Variants in NKX2-5 observed in about 807,000 individuals in gnomAD.
The protein encoded by NKX2-5 is NK2 homeobox 5, also known as homeobox protein Nkx-2.5.
Under a neutral mutation model 24.5 loss-of-function variants are expected in NKX2-5, and 3 were observed. The observed-to-expected ratio is 0.12, with a 90% CI of 0.06 to 0.32. The LOEUF is 0.32. NKX2-5 is among the 10% of genes least tolerant of loss of function. The pLI is 1.00. For missense variants in NKX2-5, 429 were observed against 452.4 expected, an observed-to-expected ratio of 0.95 and a Z score of 0.47; for synonymous variants, 215 against 217.6, an observed-to-expected ratio of 0.99 and a Z score of 0.11.
chr5:173,234,111 T>C, intron 1 of NKX2-5: 2 of 1,289,308 alleles, frequency 1.6e-6, no homozygotes, highest in Non-Finnish European at 2.0e-6. Context: ...CGAGGGAACC[T>C]CTCCGCCCTG....
rs1410674749 is a variant in NKX2-5 at position 173,233,068 on chromosome 5, T to C, written c.476A>G (p.Gln159Arg). The change falls in exon 2 of 2, where the codon CAG (glutamine) becomes CGG (arginine). Residue 159 changes from glutamine to arginine, a missense_variant. By Grantham distance (43) the Gln-to-Arg change is conservative (BLOSUM62 1). This residue lies in a region of NKX2-5 where 240 missense variants were observed against 240.4 expected (regional missense o/e 1.00). Coordinates refer to ENST00000329198, the MANE Select transcript of NKX2-5 (RefSeq NM_004387.4). ...TTCGGGGGCCGACAGGTACCGCTGC[T>C]GCTTGAAGCGCCGCTCCAGCTCATA... ...QVYELERRFK[Q>R]QRYLSAPERD... is the part of the protein sequence containing the mutation. 1 of 1,603,140 alleles carries C rather than the reference T, an allele frequency of 6.2e-7. No individual in the cohort carries two copies.
chr5:173,233,987 C>T (rs1761401515), intron 1 of NKX2-5: 1 of 1,247,380 alleles, frequency 8.0e-7, no homozygotes. Context: ...AGGCCCCTTT[C>T]TGCAGCGGGG....
chr5:173,233,621 G>C (rs1300201077), intron 1 of NKX2-5: 1 of 664,928 alleles, frequency 1.5e-6, no homozygotes, highest in African/African-American at 1.8e-5. Flanking sequence ...CAGAGGCCGA[G>C]GCCTCACTGC....
In NKX2-5 at chr5:173,233,618, C is replaced by A. The variant is rs574491946; in HGVS notation, c.335-409G>T. 4.5e-6 allele frequency: 3 copies of A among 664,908 alleles called. No individual in the cohort carries two copies. In the East Asian group the frequency reaches 8.5e-5, roughly 19 times the overall value. 41.2% of individuals were successfully genotyped at this position (664,908 alleles called of 1,614,324 possible). A position where few individuals can be genotyped will look rare whatever the true frequency, so the allele number is the denominator to read the frequency against. ...TTTGAGAAGTTAAATGAACAGAGGC[C>A]GAGGCCTCACTGCTAGGGACGGTCT... is the stretch of plus-strand genomic sequence containing the variant. On this transcript the variant is annotated intron_variant, in intron 1 of 1. Transcript: ENST00000329198.
In NKX2-5 at chr5:173,232,703, C is replaced by A. The variant is rs1266892994; in HGVS notation, c.841G>T (p.Ala281Ser). The change falls in exon 2 of 2, where the codon GCG (alanine) becomes TCG (serine). Residue 281 changes from alanine (A) to serine (S), a missense_variant. Physicochemically the swap from Ala to Ser is moderately conservative, Grantham distance 99. Around this residue, in one of 3 missense-constraint regions of NKX2-5, gnomAD observed 183 missense variants for 185.9 expected, o/e 0.98. Transcript: ENST00000329198. The surrounding 1 kb of genome is among the most constrained non-coding windows in gnomAD (Gnocchi z 5.9). ...TTGGCGGCGGCAGTGGCCGGCTGCG[C>A]TGGGGAAGGCCCGGCGGGGTAAGCG... Reference protein sequence around the residue: ...TAAYPAGPSPAQPATAAANNN... With the variant: ...TAAYPAGPSPSQPATAAANNN... 6.2e-7 allele frequency: 1 copy of A among 1,610,152 alleles called. No individual in the cohort carries two copies. The highest frequency in any genetic ancestry group is 1.1e-5 in the South Asian group (1 of 90,980).
chr5:173,232,522 G>A lies in NKX2-5; in HGVS notation c.*47C>T. On this transcript the variant is annotated 3_prime_UTR_variant, in exon 2 of 2. Coordinates refer to ENST00000329198, the MANE Select transcript of NKX2-5 (RefSeq NM_004387.4). This position sits in a 1 kb window ranked among gnomAD's most constrained non-coding sequence, Gnocchi z 5.9. ...CCCTTCTCCCCCCGAGAGTCAGGGAGCTGTTGAGGTGGGATCGGTCAGGGT... is the reference window on the plus strand; with the variant it reads ...CCCTTCTCCCCCCGAGAGTCAGGGAACTGTTGAGGTGGGATCGGTCAGGGT... 1.9e-6 allele frequency: 3 copies of A among 1,598,054 alleles called. No individual in the cohort carries two copies. The highest frequency in any genetic ancestry group is 2.5e-6 in the Non-Finnish European group (3 of 1,178,892).
At chr5:173,233,504 G>GAAA (rs759462937) in intron 1 of NKX2-5, 5 of 583,538 alleles carry the variant, frequency 8.6e-6, no homozygotes, top group South Asian at 3.1e-5. Flanking sequence ...ATTTCAGGCT[G>GAAA]CAAAAAAAAA....
rs1761363888 is a variant in NKX2-5, at chr5:173,233,155, G to A, written c.389C>T (p.Ala130Val). Residue 130 changes from alanine to valine, a missense_variant, in exon 2 of 2, where the codon GCG becomes GTG. Around this residue, in one of 3 missense-constraint regions of NKX2-5, gnomAD observed 240 missense variants for 240.4 expected, o/e 1.00. Coordinates refer to ENST00000329198, the MANE Select transcript of NKX2-5 (RefSeq NM_004387.4). ...CCGCCGTCGCGCCCGGGGCCGCTCC[G>A]CGTTGTCCGCCTCTGTCTTCTCCAG... ...VELEKTEADN[A>V]ERPRARRRRK... The A allele has an allele frequency of 6.2e-7, 1 of 1,602,762 alleles. No individual in the cohort carries two copies. Among genetic ancestry groups the A allele is most frequent in the Non-Finnish European group, 8.5e-7 (1 of 1,177,536 alleles).
chr5:173,232,446 C>G lies in NKX2-5; in HGVS notation c.*123G>C. ...CGTGGGACAGAAAAAGTTCCTAGGT[C>G]TCCGCAGGAGTGAATGCAAAATCCA... On this transcript the variant is annotated 3_prime_UTR_variant, in exon 2 of 2. Transcript: ENST00000329198. The surrounding 1 kb of genome is among the most constrained non-coding windows in gnomAD (Gnocchi z 5.9). The G allele has an allele frequency of 6.7e-7, 1 of 1,501,638 alleles. No homozygotes were observed. The highest frequency in any genetic ancestry group is 1.2e-5 in the South Asian group (1 of 81,564). 93.0% of individuals were successfully genotyped at this position (1,501,638 alleles called of 1,614,324 possible).
rs1761343640 is a variant in NKX2-5 at position 173,232,679 on chromosome 5, T to C, written c.865A>G (p.Asn289Asp). Residue 289 changes from asparagine (N) to aspartate (D), a missense_variant, in exon 2 of 2, where the codon AAC (asparagine) becomes GAC (aspartate). Asn to Asp is a conservative substitution (Grantham distance 23). Around this residue, in one of 3 missense-constraint regions of NKX2-5, gnomAD observed 183 missense variants for 185.9 expected, o/e 0.98. Coordinates refer to ENST00000329198, the MANE Select transcript of NKX2-5 (RefSeq NM_004387.4). The surrounding 1 kb of genome is among the most constrained non-coding windows in gnomAD (Gnocchi z 5.9). ...SPAQPATAAA[N>D]NNFVNFGVGD... ...ACGCCGAAGTTCACGAAGTTGTTGT[T>C]GGCGGCGGCAGTGGCCGGCTGCGCT... is the stretch of plus-strand genomic sequence containing the variant. 6 of 1,611,320 alleles carry C rather than the reference T, an allele frequency of 3.7e-6. No homozygotes were observed. The highest frequency in any genetic ancestry group is 2.2e-5 in the South Asian group (2 of 91,054).
chr5:173,234,135 G>A, intron 1 of NKX2-5: 2 of 1,289,024 alleles, frequency 1.6e-6, no homozygotes, highest in Non-Finnish European at 2.0e-6. Context: ...GCGCCGGCAA[G>A]TTGTGCTGAA....
chr5:173,232,646 A>C lies in NKX2-5; in HGVS notation c.898T>G (p.Leu300Val). 6.2e-7 allele frequency: 1 copy of C among 1,613,198 alleles called. No individual in the cohort carries two copies. Among genetic ancestry groups the C allele is most frequent in the East Asian group, 2.2e-5 (1 of 44,854 alleles). ...NNFVNFGVGD[L>V]NAVQSPGIPQ... ...ATCCCGGGGCTCTGAACCGCATTCA[A>C]GTCCCCGACGCCGAAGTTCACGAAG... The change falls in exon 2 of 2, where the codon TTG (leucine) becomes GTG (valine). Residue 300 changes from leucine (L) to valine (V), a missense_variant. Physicochemically the swap from Leu to Val is conservative, Grantham distance 32. This residue lies in a region of NKX2-5 where 183 missense variants were observed against 185.9 expected (regional missense o/e 0.98). Transcript: ENST00000329198. The surrounding 1 kb of genome is among the most constrained non-coding windows in gnomAD (Gnocchi z 5.9).
chr5:173,233,534 A>AT (rs1561620352), intron 1 of NKX2-5: 9 of 955,446 alleles, frequency 9.4e-6, no homozygotes, highest in Admixed American at 9.3e-5. Context: ...TAAAAAAATA[A>AT]AAAAATAAAA....
In NKX2-5 at chr5:173,232,604, C is replaced by A. The variant is rs1761340979; in HGVS notation, c.940G>T (p.Gly314Ter). Residue 314 changes from glycine (G) to a stop codon, truncating the protein, a stop_gained, in exon 2 of 2, where the codon GGA becomes TGA. Transcript: ENST00000329198. LOFTEE classifies it high-confidence loss of function. The surrounding 1 kb of genome is among the most constrained non-coding windows in gnomAD (Gnocchi z 5.9). Reference protein sequence around the residue: ...QSPGIPQSNSGVSTLHGIRAW With the variant: ...QSPGIPQSNS ...CGGATACCATGCAGCGTGGACACTC[C>A]CGAGTTGCTCTGCGGAATCCCGGGG... 1 of 1,612,746 alleles carries A rather than the reference C, an allele frequency of 6.2e-7. No homozygotes were observed. The highest frequency in any genetic ancestry group is 1.6e-4 in the Middle Eastern group (1 of 6,062).
Position 173,232,668 on chromosome 5 carries a change from G to A in NKX2-5, c.876C>T (p.Phe292=), listed in dbSNP as rs538010963. 2 of 1,612,094 alleles carry A rather than the reference G, an allele frequency of 1.2e-6. No homozygotes were observed. Among genetic ancestry groups the A allele is most frequent in the Admixed American group, 1.7e-5 (1 of 59,976 alleles). Residue 292 remains phenylalanine, a synonymous_variant, in exon 2 of 2, where the codon TTC becomes TTT. Coordinates refer to ENST00000329198, the MANE Select transcript of NKX2-5 (RefSeq NM_004387.4). This position sits in a 1 kb window ranked among gnomAD's most constrained non-coding sequence, Gnocchi z 5.9. ...QPATAAANNN[F]VNFGVGDLNA... ...TCAAGTCCCCGACGCCGAAGTTCAC[G>A]AAGTTGTTGTTGGCGGCGGCAGTGG...
In NKX2-5 at chr5:173,233,216, G is replaced by A; in HGVS notation, c.335-7C>T. On this transcript the variant is annotated splice_polypyrimidine_tract_variant and splice_region_variant and intron_variant, in intron 1 of 1. Transcript: ENST00000329198. ...TTCTGCAGCGCGCACAGCTCTGAGGGGGAACAGAGAGGCAGAGAGACGCTT... is the reference window on the plus strand; with the variant it reads ...TTCTGCAGCGCGCACAGCTCTGAGGAGGAACAGAGAGGCAGAGAGACGCTT... 1 of 1,598,566 alleles carries A rather than the reference G, an allele frequency of 6.3e-7. No homozygotes were observed. Among genetic ancestry groups the A allele is most frequent in the African/African-American group, 1.3e-5 (1 of 75,038 alleles).
rs113818864 is a variant in NKX2-5 at position 173,234,960 on chromosome 5, C to G, written c.124G>C (p.Ala42Pro). The G allele has an allele frequency of 1.5e-4, 246 of 1,611,946 alleles. No homozygotes were observed. In the African/African-American group the frequency reaches 2.4e-3, roughly 16 times the overall value. Residue 42 changes from alanine to proline, a missense_variant, in exon 1 of 2, where the codon GCG becomes CCG. By Grantham distance (27) the Ala-to-Pro change is conservative (BLOSUM62 -1). Transcript: ENST00000329198. ...GCGGCCAGCATGCAGGAGGAGGGCG[C>G]CAGGGTCGCCTCCAGGCGGGCAGAG... ...ELSARLEATL[A>P]PSSCMLAAFK...
chr5:173,233,921 C>T (rs1761399213), intron 1 of NKX2-5: 2 of 1,184,346 alleles, frequency 1.7e-6, no homozygotes, highest in South Asian at 3.1e-5. Context: ...CGCCCAGCGC[C>T]TGCGGCCTCC....
At position 173,232,407 on chromosome 5, in the gene NKX2-5, C is replaced by T; in HGVS notation, c.*162G>A. On this transcript the variant is annotated 3_prime_UTR_variant, in exon 2 of 2. Transcript: ENST00000329198. This position sits in a 1 kb window ranked among gnomAD's most constrained non-coding sequence, Gnocchi z 5.9. ...TCGCCGCCACAAACTCTCCCGTGCG[C>T]AAGAACAAACGCGCGTGGGACAGAA... The T allele has an allele frequency of 7.5e-7, 1 of 1,341,766 alleles. No individual in the cohort carries two copies. The highest frequency in any genetic ancestry group is 1.0e-6 in the Non-Finnish European group (1 of 995,468). The allele number at this position is 1,341,766 out of a possible 1,614,324, so 83.1% of individuals were successfully genotyped here.
Sources: gnomAD v4.1 joint callset for allele counts on GRCh38, gnomAD v4.1.1 for gene constraint, gnomAD v4.1.1 regional missense constraint, Gnocchi (gnomAD v3.1) non-coding constraint, MANE v1.5 for transcripts, NCBI Gene and HGNC (gene_info 2026-07-23, HGNC 2026-07-21) for gene names.